The following ADAMTS14 variants were observed in gnomAD, a reference collection of about 807,000 sequenced individuals.
ADAMTS14 encodes ADAM metallopeptidase with thrombospondin type 1 motif 14, also known as A disintegrin and metalloproteinase with thrombospondin motifs 14.
ADAMTS14 carries 100 observed loss-of-function variants against 128.6 expected under a neutral mutation model. The observed-to-expected ratio is 0.78, with a 90% CI of 0.66 to 0.92. ADAMTS14 has a LOEUF of 0.92. Among genes scored for constraint, ADAMTS14 ranks in the 40% least tolerant of loss-of-function variants. ADAMTS14 has a pLI of 0.00. For missense variants in ADAMTS14, 1,562 were observed against 1,658.6 expected, an observed-to-expected ratio of 0.94 and a Z score of 1.01; for synonymous variants, 665 against 653.8, an observed-to-expected ratio of 1.02 and a Z score of -0.26.
intron 4 of ADAMTS14, among the ~76,000 whole-genome samples, chr10:70,721,120 G>T (rs1387209861): frequency 6.8e-6 from 1 of 147,966 alleles, no homozygotes; most frequent in Non-Finnish European, 1.5e-5. Context: ...CACCTCCCGG[G>T]TTCAAGTGAT....
At chr10:70,678,244 A>T (rs1839702718) in intron 2 of ADAMTS14, among the ~76,000 whole-genome samples, 1 of 152,200 alleles carries the variant, frequency 6.6e-6, no homozygotes, top group African/African-American at 2.4e-5. Flanking sequence ...CAATCTTCTG[A>T]AGTGTGTATG....
rs1349019889 is a variant in ADAMTS14, at chr10:70,757,988, C to T, written c.2964C>T (p.Ile988=). ...GCTCTGCCACCTGTGGAGAGGGCATCCAGCAGCGGCAGGTGGTGTGCAGGA... is the reference window on the plus strand; with the variant it reads ...GCTCTGCCACCTGTGGAGAGGGCATTCAGCAGCGGCAGGTGGTGTGCAGGA... ...SQCSATCGEG[I]QQRQVVCRTN... is the part of the protein sequence containing the mutation. The change falls in exon 20 of 22, where the codon ATC becomes ATT. Residue 988 remains isoleucine (I), a synonymous_variant. Transcript: ENST00000373207. The T allele has an allele frequency of 5.6e-6, 9 of 1,612,792 alleles. No homozygotes were observed. The East Asian group carries it at 2.0e-4, about 36-fold the overall frequency.
intron 4 of ADAMTS14, 78 bp from the exon 5 acceptor site, chr10:70,729,216 G>A: frequency 8.1e-7 from 1 of 1,239,284 alleles, no homozygotes. Context: ...CATATGTTAG[G>A]TACCTACCCC....
chr10:70,689,399 A>T (rs530138159), intron 2 of ADAMTS14, among the ~76,000 whole-genome samples: 2 of 145,022 alleles, frequency 1.4e-5, no homozygotes, highest in East Asian at 3.9e-4. Flanking sequence ...ACCTGCCAAG[A>T]GCCACCACCA....
rs764935842 is a variant in ADAMTS14, at chr10:70,734,016, G to A, written c.1340G>A (p.Ser447Asn). Residue 447 changes from serine (S) to asparagine (N), a missense_variant, in exon 8 of 22, where the codon AGC becomes AAC. Transcript: ENST00000373207. ...HWSRCSKLELSRYLPSYDCLL... is the reference protein window; with the variant it reads ...HWSRCSKLELNRYLPSYDCLL... The stretch of plus-strand genomic sequence containing the variant: ...TCCCGCTGCAGCAAGCTGGAGCTCA[G>A]CCGCTACCTCCCGTAGGTCATTCCT... 4.3e-6 allele frequency: 7 copies of A among 1,612,928 alleles called. No homozygotes were observed. The African/African-American group carries it at 8.0e-5, about 18-fold the overall frequency.
chr10:70,709,096 C>T (rs1410960964), intron 4 of ADAMTS14, among the ~76,000 whole-genome samples: 1 of 152,226 alleles, frequency 6.6e-6, no homozygotes, highest in Non-Finnish European at 1.5e-5. Flanking sequence ...GGCTTGGACA[C>T]ATTCAGAGTC....
chr10:70,724,602 G>C (rs910455077), intron 4 of ADAMTS14, among the ~76,000 whole-genome samples: 8 of 152,198 alleles, frequency 5.3e-5, no homozygotes, highest in Admixed American at 4.6e-4. Context: ...AGTTCTACCA[G>C]ACATGGCAGC....
chr10:70,732,496 T>A, intron 7 of ADAMTS14, 137 bp downstream of exon 7: 3 of 730,194 alleles, frequency 4.1e-6, no homozygotes, highest in Non-Finnish European at 6.8e-6. Context: ...GGACTGCCAC[T>A]GCGGCATGGC....
intron 4 of ADAMTS14, among the ~76,000 whole-genome samples, chr10:70,722,076 A>T (rs1841286022): frequency 6.6e-6 from 1 of 152,200 alleles, no homozygotes; most frequent in Non-Finnish European, 1.5e-5. Context: ...GGAATGACAG[A>T]GGCTCTTGCT....
intron 4 of ADAMTS14, among the ~76,000 whole-genome samples, chr10:70,726,785 C>T (rs979017298): frequency 1.3e-5 from 2 of 152,166 alleles, no homozygotes; most frequent in African/African-American, 4.8e-5. Flanking sequence ...GTGCCCCCTA[C>T]TCCACCCTGA....
At position 70,672,635 on chromosome 10, in the gene ADAMTS14, G is replaced by C. The variant is rs1374574050; in HGVS notation, c.-168G>C. Among the ~76,000 whole-genome samples the C allele has an allele frequency of 6.6e-6, 1 of 151,788 alleles. No homozygotes were observed. The highest frequency in any genetic ancestry group is 1.5e-5 in the Non-Finnish European group (1 of 67,894). ...GGTCCAGGCGGCGGCGCCGCGCAGGGGACCCGGAGCAGGCGGGAGGGAAGC... is the reference window on the plus strand; with the variant it reads ...GGTCCAGGCGGCGGCGCCGCGCAGGCGACCCGGAGCAGGCGGGAGGGAAGC... On this transcript the variant is annotated 5_prime_UTR_variant, in exon 1 of 22. Coordinates refer to ENST00000373207, the MANE Select transcript of ADAMTS14 (RefSeq NM_080722.4).
Position 70,738,906 on chromosome 10 carries a change from G to A in ADAMTS14, c.1664G>A (p.Trp555Ter). 1 of 1,614,122 alleles carries A rather than the reference G, an allele frequency of 6.2e-7. No homozygotes were observed. The highest frequency in any genetic ancestry group is 8.5e-7 in the Non-Finnish European group (1 of 1,180,018). ...CAGACATATGGCCAGGATGGAGGCT[G>A]GAGCTCCTGGACCAAGTTTGGGTCA... ...PEQTYGQDGG[W>*]SSWTKFGSCS... The change falls in exon 11 of 22, where the codon TGG (tryptophan) becomes TAG (stop). Residue 555 changes from tryptophan to a stop codon, truncating the protein, a stop_gained. Transcript: ENST00000373207. LOFTEE classifies it high-confidence loss of function.
chr10:70,695,866 G>T (rs971781899), intron 2 of ADAMTS14, among the ~76,000 whole-genome samples: 5 of 152,228 alleles, frequency 3.3e-5, no homozygotes, highest in African/African-American at 1.2e-4. Flanking sequence ...CTGGGGACAT[G>T]CCAGGGAGAG....
At chr10:70,719,145 A>G (rs1446045774) in intron 4 of ADAMTS14, among the ~76,000 whole-genome samples, 1 of 151,914 alleles carries the variant, frequency 6.6e-6, no homozygotes, top group Non-Finnish European at 1.5e-5. Context: ...AGCTCCCCCA[A>G]CTGAGATCAT....
intron 3 of ADAMTS14, among the ~76,000 whole-genome samples, chr10:70,704,105 A>G (rs1840577114): frequency 6.6e-6 from 1 of 152,200 alleles, no homozygotes; most frequent in Non-Finnish European, 1.5e-5. Flanking sequence ...AGGCCTGGCC[A>G]GGTGCTCAGA....
intron 4 of ADAMTS14, among the ~76,000 whole-genome samples, chr10:70,722,770 T>C (rs1841311076): frequency 1.3e-5 from 2 of 152,174 alleles, no homozygotes; most frequent in Non-Finnish European, 2.9e-5. Flanking sequence ...CAGAGAATTA[T>C]AGCCCAAGGT....
At chr10:70,718,533 G>A (rs1017301353) in intron 4 of ADAMTS14, among the ~76,000 whole-genome samples, 12 of 151,726 alleles carry the variant, frequency 7.9e-5, no homozygotes, top group South Asian at 4.2e-4. Flanking sequence ...GGTTACAGGC[G>A]TGCCACCACA....
At chr10:70,677,897 T>C (rs1051061705) in intron 2 of ADAMTS14, among the ~76,000 whole-genome samples, 3 of 152,254 alleles carry the variant, frequency 2.0e-5, no homozygotes, top group African/African-American at 7.2e-5. Flanking sequence ...CTGATAAGAT[T>C]GAACTCTGCA....
rs1351328506 is a variant in ADAMTS14, at chr10:70,690,593, C to T, written c.523-11719C>T. Among the ~76,000 whole-genome samples, 5 of 145,318 alleles carry T rather than the reference C, an allele frequency of 3.4e-5. 1 individual carries two copies. Among genetic ancestry groups the T allele is most frequent in the Middle Eastern group, 7.1e-3 (2 of 280 alleles). ...ATAAACATTTATGTGCGTGATCTCA[C>T]GTGGGAGGCATGGTTTAAAACTAGT... On this transcript the variant is annotated intron_variant, in intron 2 of 21. Transcript: ENST00000373207.
Sources: gnomAD v4.1 joint callset for allele counts (sites outside exome capture counted in the v4.1 genomes callset) on GRCh38, gnomAD v4.1.1 for gene constraint, MANE v1.5 for transcripts, NCBI Gene and HGNC (gene_info 2026-07-23, HGNC 2026-07-21) for gene names.